The following P4HA1 variants were observed in gnomAD, a reference collection of about 807,000 sequenced individuals.
P4HA1 encodes the protein prolyl 4-hydroxylase subunit alpha-1.
A neutral mutation model predicts 72.8 loss-of-function variants in P4HA1; 24 were observed. The observed-to-expected ratio is 0.33, with a 90% CI of 0.24 to 0.46. The LOEUF is 0.46. Among genes scored for constraint, P4HA1 ranks in the 20% least tolerant of loss-of-function variants. P4HA1 has a pLI of 1.00. For synonymous variants in P4HA1, 201 were observed against 218.8 expected, an observed-to-expected ratio of 0.92 and a Z score of 0.72; for missense variants, 446 against 640.6, an observed-to-expected ratio of 0.70 and a Z score of 3.28.
intron 4 of P4HA1, among the ~76,000 whole-genome samples, chr10:73,069,775 T>A (rs1392192877): frequency 6.6e-6 from 1 of 151,954 alleles, no homozygotes; most frequent in East Asian, 1.9e-4. Context: ...GTATGAGACT[T>A]CCCTCTCTTC....
At chr10:73,067,776 T>C (rs112258363) in intron 5 of P4HA1, among the ~76,000 whole-genome samples, 1 of 152,164 alleles carries the variant, frequency 6.6e-6, no homozygotes, top group African/African-American at 2.4e-5. Flanking sequence ...ACATCCCTTA[T>C]GAGGTCCAGC....
At chr10:73,067,237 T>G (rs1451200376) in intron 5 of P4HA1, among the ~76,000 whole-genome samples, 1 of 152,218 alleles carries the variant, frequency 6.6e-6, no homozygotes, top group Non-Finnish European at 1.5e-5. Flanking sequence ...CATCAAATTC[T>G]ACTATTCTAC....
At chr10:73,070,142 CT>C (rs71021546) in intron 4 of P4HA1, among the ~76,000 whole-genome samples, 355 of 64,390 alleles carry the variant, frequency 5.5e-3, no homozygotes, top group African/African-American at 0.018. Context: ...GAGACCAGGC[CT>C]TTTTTTTTTT....
intron 9 of P4HA1, among the ~76,000 whole-genome samples, chr10:73,035,547 T>C (rs1297648955): frequency 1.3e-5 from 2 of 152,102 alleles, no homozygotes; most frequent in African/African-American, 4.8e-5. Context: ...ACCACAAACT[T>C]TTAATTCCAG....
At chr10:73,048,366 C>T (rs1350550064) in intron 7 of P4HA1, among the ~76,000 whole-genome samples, 2 of 152,142 alleles carry the variant, frequency 1.3e-5, no homozygotes, top group Admixed American at 1.3e-4. Context: ...TGGGTTCAAG[C>T]AATTCTCCTG....
chr10:73,038,447 TAG>T (rs1840651423), intron 9 of P4HA1, among the ~76,000 whole-genome samples: 1 of 152,130 alleles, frequency 6.6e-6, no homozygotes, highest in Non-Finnish European at 1.5e-5. Context: ...TTTATTTGCA[TAG>T]GTCATTATTT....
At chr10:73,056,039 T>G (rs1310265043) in intron 5 of P4HA1, among the ~76,000 whole-genome samples, 1 of 152,224 alleles carries the variant, frequency 6.6e-6, no homozygotes, top group Non-Finnish European at 1.5e-5. Flanking sequence ...ACTGGTAACT[T>G]TGCTTTTAAG....
rs140375249 is a variant in P4HA1, at chr10:73,072,144, C to T, written c.210G>A (p.Ala70=). ...CAACAAATCCTTCTGGATCTTTTGTCGCTGTACTAGTTAGCCGATCTAACT... is the reference window on the plus strand; with the variant it reads ...CAACAAATCCTTCTGGATCTTTTGTTGCTGTACTAGTTAGCCGATCTAACT... The part of the protein sequence containing the change: ...AEKLDRLTST[A]TKDPEGFVGH... Residue 70 remains alanine (A), a synonymous_variant, in exon 4 of 15, where the codon GCG becomes GCA. Coordinates refer to ENST00000394890, the MANE Select transcript of P4HA1 (RefSeq NM_001017962.3). The T allele has an allele frequency of 3.0e-5, 48 of 1,613,288 alleles. No individual in the cohort carries two copies. The African/African-American group carries it at 5.1e-4, about 17-fold the overall frequency.
intron 10 of P4HA1, among the ~76,000 whole-genome samples, chr10:73,018,239 G>C (rs914679792): frequency 6.6e-6 from 1 of 152,110 alleles, no homozygotes; most frequent in African/African-American, 2.4e-5. Flanking sequence ...GGGCCACCCA[G>C]AACAGTCACG....
intron 10 of P4HA1, among the ~76,000 whole-genome samples, chr10:73,024,266 A>G (rs551268610): frequency 6.6e-6 from 1 of 152,286 alleles, no homozygotes; most frequent in South Asian, 2.1e-4. Context: ...AGCAAATGTA[A>G]AAGAACAGAA....
intron 7 of P4HA1, among the ~76,000 whole-genome samples, chr10:73,048,533 G>C (rs1434330246): frequency 6.6e-6 from 1 of 152,168 alleles, no homozygotes; most frequent in African/African-American, 2.4e-5. Context: ...CCAAAGTGCT[G>C]AGATTACAGG....
chr10:73,060,764 A>C lies in P4HA1; in HGVS notation c.464-7174T>G, dbSNP rs535354673. 5.3e-5 allele frequency among the ~76,000 whole-genome samples: 8 copies of C among 152,318 alleles called. No homozygotes were observed. In the East Asian group the frequency reaches 1.5e-3, roughly 29 times the overall value. ...TAAAGATGCTCCCCACTGGCCTAAAATGGGATAATCTGAGATCAAAGTAAT... is the reference window on the plus strand; with the variant it reads ...TAAAGATGCTCCCCACTGGCCTAAACTGGGATAATCTGAGATCAAAGTAAT... On this transcript the variant is annotated intron_variant, in intron 5 of 14. Coordinates refer to ENST00000394890, the MANE Select transcript of P4HA1 (RefSeq NM_001017962.3).
intron 5 of P4HA1, among the ~76,000 whole-genome samples, chr10:73,058,401 G>A (rs1218661647): frequency 1.3e-5 from 2 of 152,100 alleles, no homozygotes; most frequent in Non-Finnish European, 2.9e-5. Flanking sequence ...CCTGCCTTTA[G>A]AGCAAAGCAA....
chr10:73,095,523 A>T (rs1272287172), intron 1 of P4HA1, among the ~76,000 whole-genome samples: 2 of 96,458 alleles, frequency 2.1e-5, no homozygotes, highest in Non-Finnish European at 3.8e-5. Flanking sequence ...CCAGAACTTT[A>T]AAAAAAAAAA....
chr10:73,027,929 A>C (rs1343686071), intron 10 of P4HA1, among the ~76,000 whole-genome samples: 1 of 151,958 alleles, frequency 6.6e-6, no homozygotes. Context: ...AGCCAGTGAA[A>C]CCCAGGAAAA....
chr10:73,028,211 G>A (rs957486518), intron 10 of P4HA1, among the ~76,000 whole-genome samples: 13 of 148,158 alleles, frequency 8.8e-5, no homozygotes, highest in African/African-American at 2.6e-4. Flanking sequence ...ATAAATAAAA[G>A]CTTTCATAAT....
At position 73,080,959 on chromosome 10, in the gene P4HA1, T is replaced by C. The variant is rs183732044; in HGVS notation, c.-32-6044A>G. ...AAAAACAAAACAAACAATGGTTTCC[T>C]TATGGTGTCTCACTTCTATTTATTC... On this transcript the variant is annotated intron_variant, in intron 1 of 14. Coordinates refer to ENST00000394890, the MANE Select transcript of P4HA1 (RefSeq NM_001017962.3). Among the ~76,000 whole-genome samples the C allele has an allele frequency of 1.1e-3, 163 of 152,256 alleles. 1 individual carries two copies. Among genetic ancestry groups the C allele is most frequent in the African/African-American group, 1.9e-3 (78 of 41,554 alleles).
At chr10:73,017,018 G>C (rs958194924) in intron 10 of P4HA1, 119 bp from the exon 11 acceptor site, 51 of 645,464 alleles carry the variant, frequency 7.9e-5, no homozygotes, top group Non-Finnish European at 1.3e-4. Flanking sequence ...ACAGAGAAAT[G>C]AAAAATATTT....
In P4HA1 at chr10:73,068,237, A is replaced by C. The variant is rs375467513; in HGVS notation, c.463+609T>G. On this transcript the variant is annotated intron_variant, in intron 5 of 14. Transcript: ENST00000394890. ...GTGATTTTTTCTTACGGAGAAAATC[A>C]ATTTCAATGTGAAGACACAGACAAC... 7.9e-5 allele frequency among the ~76,000 whole-genome samples: 12 copies of C among 152,354 alleles called. No individual in the cohort carries two copies. In the East Asian group the frequency reaches 1.7e-3, roughly 22 times the overall value.
Sources: gnomAD v4.1 joint callset for allele counts (sites outside exome capture counted in the v4.1 genomes callset) on GRCh38, gnomAD v4.1.1 for gene constraint, MANE v1.5 for transcripts, NCBI Gene and HGNC (gene_info 2026-07-23, HGNC 2026-07-21) for gene names.